Variants in OSBPL5 observed in about 807,000 individuals in gnomAD.
OSBPL5 encodes oxysterol-binding protein-related protein 5.
Under a neutral mutation model 111.2 loss-of-function variants are expected in OSBPL5, and 71 were observed. The observed-to-expected ratio is 0.64, with a 90% CI of 0.53 to 0.78. The LOEUF is 0.78. Among genes scored for constraint, OSBPL5 ranks in the 30% least tolerant of loss-of-function variants. The pLI is 0.00. For synonymous variants in OSBPL5, 549 were observed against 513.9 expected, an observed-to-expected ratio of 1.07 and a Z score of -0.93; for missense variants, 1,210 against 1,189.3, an observed-to-expected ratio of 1.02 and a Z score of -0.26.
rs371907970 is a variant in OSBPL5, at chr11:3,116,854, C to CAAAAA, written c.691+2688_691+2692dup. On this transcript the variant is annotated intron_variant, in intron 7 of 21. Coordinates refer to ENST00000263650, the MANE Select transcript of OSBPL5 (RefSeq NM_020896.4). ...TGGGCAACAGAGTGAGACTCCATCA[C>CAAAAA]AAAAAAAAAAAAAAAAAAGAAGTGT... Among the ~76,000 whole-genome samples, 693 of 75,424 alleles carry CAAAAA rather than the reference C, an allele frequency of 9.2e-3. 18 individuals are homozygous for CAAAAA. Among genetic ancestry groups the CAAAAA allele is most frequent in the East Asian group, 0.024 (62 of 2,548 alleles). The allele number at this position is 75,424 out of a possible 152,430, so 49.5% of individuals were successfully genotyped here.
In OSBPL5 at chr11:3,120,528, C is replaced by A. The variant is rs764538943; in HGVS notation, c.499G>T (p.Gly167Cys). 3.1e-6 allele frequency: 5 copies of A among 1,613,328 alleles called. No individual in the cohort carries two copies. Among genetic ancestry groups the A allele is most frequent in the Non-Finnish European group, 4.2e-6 (5 of 1,180,010 alleles). ...YKTPKVGQWV[G>C]TVLLHCCELI... ...TCGCAGCAGTGCAGCAGCACCGTGC[C>A]CACCCACTGGCCCACCTTGGGCGTC... The change falls in exon 6 of 22, where the codon GGC (glycine) becomes TGC (cysteine). Residue 167 changes from glycine (G) to cysteine (C), a missense_variant. Gly to Cys is a radical substitution (Grantham distance 159). Coordinates refer to ENST00000263650, the MANE Select transcript of OSBPL5 (RefSeq NM_020896.4).
At chr11:3,135,722 G>C (rs1845932061) in intron 1 of OSBPL5, among the ~76,000 whole-genome samples, 1 of 152,198 alleles carries the variant, frequency 6.6e-6, no homozygotes, top group South Asian at 2.1e-4. Flanking sequence ...GGCAGCGCCT[G>C]GGGGCCGCCT....
At position 3,088,256 on chromosome 11, in the gene OSBPL5, C is replaced by T. The variant is rs774769876; in HGVS notation, c.2589G>A (p.Leu863=). ...GLLQSPRSWF[L]LCVFLACQLF... ...GCTGACACGCCAGGAACACGCAGAG[C>T]AGGAACCAGGATCGGGGGCTCTGCA... is the stretch of plus-strand genomic sequence containing the variant. The change falls in exon 22 of 22, where the codon CTG becomes CTA. Residue 863 remains leucine (L), a synonymous_variant. Transcript: ENST00000263650. 5.0e-6 allele frequency: 8 copies of T among 1,606,618 alleles called. No homozygotes were observed. In the East Asian group the frequency reaches 1.8e-4, roughly 36 times the overall value.
At chr11:3,115,777 G>A (rs1198491604) in intron 7 of OSBPL5, among the ~76,000 whole-genome samples, 1 of 151,972 alleles carries the variant, frequency 6.6e-6, no homozygotes, top group Admixed American at 6.6e-5. Flanking sequence ...TTTATAGATT[G>A]GAATTTTGGA....
chr11:3,099,859 G>A (rs926355723), intron 14 of OSBPL5, among the ~76,000 whole-genome samples: 85 of 151,972 alleles, frequency 5.6e-4, no homozygotes, highest in Non-Finnish European at 1.1e-3. Flanking sequence ...ACCTGAGGTC[G>A]GGAGTTCGAG....
chr11:3,125,661 C>T (rs372819962), intron 3 of OSBPL5, among the ~76,000 whole-genome samples: 30 of 152,276 alleles, frequency 2.0e-4, no homozygotes, highest in African/African-American at 6.0e-4. Context: ...AAAAATTGGC[C>T]GGGCGTGGTG....
At chr11:3,097,626 C>T (rs571211853) in intron 14 of OSBPL5, among the ~76,000 whole-genome samples, 65 of 152,304 alleles carry the variant, frequency 4.3e-4, no homozygotes, top group African/African-American at 1.5e-3. Context: ...AAGGGCAACA[C>T]TATGGTCAGT....
chr11:3,088,172 C>G lies in OSBPL5; in HGVS notation c.*33G>C. 1 of 1,519,622 alleles carries G rather than the reference C, an allele frequency of 6.6e-7. No homozygotes were observed. The highest frequency in any genetic ancestry group is 8.9e-7 in the Non-Finnish European group (1 of 1,129,606). The allele number at this position is 1,519,622 out of a possible 1,614,324, so 94.1% of individuals were successfully genotyped here. A position where few individuals can be genotyped will look rare whatever the true frequency, so the allele number is the denominator to read the frequency against. ...TGCTGGGTGCCTGGGAGGGAGGGCT[C>G]AGGACCGGCCAGGAGCTCTGCCCTC... On this transcript the variant is annotated 3_prime_UTR_variant, in exon 22 of 22. Transcript: ENST00000263650.
At chr11:3,112,029 GTGTGTATGTGTGCGCGCATGTGTGTGCA>G in intron 7 of OSBPL5, among the ~76,000 whole-genome samples, 1 of 108,982 alleles carries the variant, frequency 9.2e-6, no homozygotes, top group East Asian at 2.1e-4. Context: ...GTGTGCATGT[GTGTGTATGTGTGCGCGCATGTGTGTGCA>G]TGTGTATGTG....
chr11:3,163,181 C>A (rs1022104521), intron 1 of OSBPL5, among the ~76,000 whole-genome samples: 3 of 152,318 alleles, frequency 2.0e-5, no homozygotes, highest in African/African-American at 7.2e-5. Flanking sequence ...TTCTCAGCTG[C>A]GGTCACAGGC....
chr11:3,112,054 T>C lies in OSBPL5; in HGVS notation c.692-4109A>G, dbSNP rs1174726606. Reference sequence around the variant, plus strand: ...GTGTGTATGTGTGCGCGCATGTGTGTGCATGTGTATGTGTGTGTGCATGTG... The same window carrying C: ...GTGTGTATGTGTGCGCGCATGTGTGCGCATGTGTATGTGTGTGTGCATGTG... On this transcript the variant is annotated intron_variant, in intron 7 of 21. Transcript: ENST00000263650. Among the ~76,000 whole-genome samples, 134 of 33,996 alleles carry C rather than the reference T, an allele frequency of 3.9e-3. 1 individual carries two copies. The highest frequency in any genetic ancestry group is 5.9e-3 in the African/African-American group (81 of 13,670). 22.3% of individuals were successfully genotyped at this position (33,996 alleles called of 152,430 possible). A position where few individuals can be genotyped will look rare whatever the true frequency, so the allele number is the denominator to read the frequency against.
chr11:3,129,443 A>T (rs529522541), intron 1 of OSBPL5: 2 of 242,192 alleles, frequency 8.3e-6, no homozygotes, highest in East Asian at 7.8e-5. Flanking sequence ...CCCTCGGAAG[A>T]TGTCCTTCTC....
intron 1 of OSBPL5, among the ~76,000 whole-genome samples, chr11:3,144,628 G>A (rs1050687358): frequency 2.0e-5 from 3 of 152,218 alleles, no homozygotes; most frequent in Non-Finnish European, 4.4e-5. Context: ...AGCCACACAC[G>A]TGGGTGGTCT....
Position 3,093,692 on chromosome 11 carries a change from G to T in OSBPL5, c.1810-29C>A, listed in dbSNP as rs762482522. On this transcript the variant is annotated intron_variant, in intron 16 of 21. Transcript: ENST00000263650. ...CCCCAGATGGCCAGCGGGGTCAGAG[G>T]CTGGCCTGGCGTTGACCGCCCGGCC... The T allele has an allele frequency of 3.7e-6, 6 of 1,612,688 alleles. No homozygotes were observed. In the East Asian group the frequency reaches 1.1e-4, roughly 30 times the overall value.
Position 3,101,611 on chromosome 11 carries a change from C to A in OSBPL5, c.1514G>T (p.Arg505Met), listed in dbSNP as rs1311239238. 11 of 1,613,782 alleles carry A rather than the reference C, an allele frequency of 6.8e-6. No individual in the cohort carries two copies. Among genetic ancestry groups the A allele is most frequent in the Non-Finnish European group, 7.6e-6 (9 of 1,179,902 alleles). Residue 505 changes from arginine to methionine, a missense_variant, in exon 13 of 22, where the codon AGG becomes ATG. Coordinates refer to ENST00000263650, the MANE Select transcript of OSBPL5 (RefSeq NM_020896.4). ...CAGGGTGACCCCCTCACCATAAAAC[C>A]TGGACTTGGCTGTGATGCTGCCACT... Reference protein sequence around the residue: ...CISGSITAKSRFYGNSLSALL... With the variant: ...CISGSITAKSMFYGNSLSALL...
chr11:3,150,061 T>TAC (rs1057203488), intron 1 of OSBPL5, among the ~76,000 whole-genome samples: 1 of 151,990 alleles, frequency 6.6e-6, no homozygotes, highest in Non-Finnish European at 1.5e-5. Flanking sequence ...GACACACACG[T>TAC]ACACACACAC....
chr11:3,096,582 G>A (rs1385640101), intron 14 of OSBPL5, among the ~76,000 whole-genome samples: 4 of 145,026 alleles, frequency 2.8e-5, no homozygotes, highest in Non-Finnish European at 6.0e-5. Flanking sequence ...TTGCACCATT[G>A]CACTCTAGCC....
chr11:3,118,389 C>T (rs1417429585), intron 7 of OSBPL5, among the ~76,000 whole-genome samples: 3 of 152,174 alleles, frequency 2.0e-5, no homozygotes, highest in Non-Finnish European at 4.4e-5. Context: ...AGCCCCCTCC[C>T]GGCTTTGATT....
In OSBPL5 at chr11:3,107,552, C is replaced by G. The variant is rs774922247; in HGVS notation, c.867-97G>C. ...CCCTCGCTGCTCCGCACTTCACATACGTTCCTGCCTGTCGTCACCTCCACA... is the reference window on the plus strand; with the variant it reads ...CCCTCGCTGCTCCGCACTTCACATAGGTTCCTGCCTGTCGTCACCTCCACA... On this transcript the variant is annotated intron_variant, in intron 8 of 21. Coordinates refer to ENST00000263650, the MANE Select transcript of OSBPL5 (RefSeq NM_020896.4). The surrounding 1 kb of genome is among the most constrained non-coding windows in gnomAD (Gnocchi z 6.1). The G allele has an allele frequency of 7.0e-7, 1 of 1,434,534 alleles. No homozygotes were observed. Among genetic ancestry groups the G allele is most frequent in the African/African-American group, 1.4e-5 (1 of 70,658 alleles). The allele number at this position is 1,434,534 out of a possible 1,614,324, so 88.9% of individuals were successfully genotyped here.
Sources: gnomAD v4.1 joint callset for allele counts (sites outside exome capture counted in the v4.1 genomes callset) on GRCh38, gnomAD v4.1.1 for gene constraint, Gnocchi (gnomAD v3.1) non-coding constraint, MANE v1.5 for transcripts, NCBI Gene and HGNC (gene_info 2026-07-23, HGNC 2026-07-21) for gene names.